PRDM16: variants seen among roughly 807,000 people sequenced by gnomAD.
The protein encoded by PRDM16 is PR/SET domain 16.
Under a neutral mutation model 110.6 loss-of-function variants are expected in PRDM16, and 23 were observed. That is an observed-to-expected ratio of 0.21 (90% CI 0.15 to 0.29). PRDM16 has a LOEUF of 0.29. Ranked by LOEUF, PRDM16 falls within the 10% of genes least tolerant of loss-of-function variation. PRDM16 has a pLI of 1.00. For missense variants in PRDM16, 1,615 were observed against 1,794.3 expected, an observed-to-expected ratio of 0.90 and a Z score of 1.81; for synonymous variants, 799 against 781.8, an observed-to-expected ratio of 1.02 and a Z score of -0.37.
intron 16 of PRDM16, among the ~76,000 whole-genome samples, chr1:3,432,913 G>A (rs757664254): frequency 1.3e-5 from 2 of 152,152 alleles, no homozygotes; most frequent in African/African-American, 4.8e-5. Flanking sequence ...ATGAACTAAC[G>A]CCTGGAAACA....
At chr1:3,424,245 G>A (rs1638525257) in intron 12 of PRDM16, among the ~76,000 whole-genome samples, 3 of 152,172 alleles carry the variant, frequency 2.0e-5, no homozygotes, top group Admixed American at 6.5e-5. Flanking sequence ...GCTGCTCAAT[G>A]CACATGTCGC....
intron 1 of PRDM16, among the ~76,000 whole-genome samples, chr1:3,158,575 T>C (rs1380053101): frequency 6.6e-6 from 1 of 152,128 alleles, no homozygotes; most frequent in African/African-American, 2.4e-5. Flanking sequence ...GACTTTACAA[T>C]CTCATCGCCA....
intron 3 of PRDM16, among the ~76,000 whole-genome samples, chr1:3,254,944 G>A (rs1452467648): frequency 6.6e-6 from 1 of 152,136 alleles, no homozygotes; most frequent in Non-Finnish European, 1.5e-5. Context: ...GCATGGTACT[G>A]GAACCAAAAC....
chr1:3,223,102 G>GC (rs1639211399), intron 2 of PRDM16, among the ~76,000 whole-genome samples: 1 of 120,060 alleles, frequency 8.3e-6, no homozygotes, highest in African/African-American at 4.5e-5. Flanking sequence ...CAAAATCAAG[G>GC]CTTTTTTTTT....
At chr1:3,388,442 G>T (rs1007182749) in intron 4 of PRDM16, among the ~76,000 whole-genome samples, 7 of 152,218 alleles carry the variant, frequency 4.6e-5, no homozygotes, top group Admixed American at 6.5e-5. Context: ...ATTCGGCAGG[G>T]AAAATACTTC....
intron 1 of PRDM16, among the ~76,000 whole-genome samples, chr1:3,106,252 T>C (rs1376748941): frequency 6.6e-6 from 1 of 152,128 alleles, no homozygotes; most frequent in Admixed American, 6.5e-5. Flanking sequence ...TGGCAGGCAG[T>C]TCTTTGGATG....
intron 1 of PRDM16, among the ~76,000 whole-genome samples, chr1:3,110,041 G>C (rs1389607320): frequency 6.6e-6 from 1 of 150,840 alleles, no homozygotes; most frequent in African/African-American, 2.4e-5. Flanking sequence ...CATGTCCTGG[G>C]TATGGGGACA....
intron 2 of PRDM16, among the ~76,000 whole-genome samples, chr1:3,239,107 C>G (rs1019141457): frequency 3.2e-4 from 48 of 152,224 alleles, no homozygotes; most frequent in Admixed American, 8.5e-4. Flanking sequence ...GGGAAATTGG[C>G]AGCACCCACG....
At chr1:3,076,543 T>G (rs1342388552) in intron 1 of PRDM16, among the ~76,000 whole-genome samples, 1 of 152,184 alleles carries the variant, frequency 6.6e-6, no homozygotes, top group Non-Finnish European at 1.5e-5. Context: ...CTGTCTGCTC[T>G]CAGCGTCCCC....
intron 16 of PRDM16, among the ~76,000 whole-genome samples, chr1:3,433,271 G>A (rs907719041): frequency 3.3e-5 from 5 of 152,250 alleles, no homozygotes; most frequent in Admixed American, 1.3e-4. Context: ...CCGCCGTCAC[G>A]CCTGCTCATG....
chr1:3,248,717 C>T (rs1313313907), intron 3 of PRDM16, among the ~76,000 whole-genome samples: 1 of 152,210 alleles, frequency 6.6e-6, no homozygotes, highest in African/African-American at 2.4e-5. Flanking sequence ...CGTCTGATAG[C>T]CCAGCCTTGC....
At chr1:3,146,515 G>A (rs747336638) in intron 1 of PRDM16, among the ~76,000 whole-genome samples, 1 of 150,442 alleles carries the variant, frequency 6.6e-6, no homozygotes, top group African/African-American at 2.4e-5. Flanking sequence ...AAGTGTGTGT[G>A]CTCGGTGTGG....
chr1:3,240,898 C>T (rs770464068), intron 2 of PRDM16, among the ~76,000 whole-genome samples: 1 of 152,262 alleles, frequency 6.6e-6, no homozygotes, highest in African/African-American at 2.4e-5. Flanking sequence ...GGTCAGACCT[C>T]GCTTTTTTTG....
At chr1:3,284,880 C>T (rs1259437143) in intron 3 of PRDM16, among the ~76,000 whole-genome samples, 3 of 152,218 alleles carry the variant, frequency 2.0e-5, no homozygotes, top group Admixed American at 6.5e-5. Flanking sequence ...AGTCTGCAGC[C>T]GCCAGGGCAG....
chr1:3,281,941 C>T (rs533980339), intron 3 of PRDM16, among the ~76,000 whole-genome samples: 2 of 152,178 alleles, frequency 1.3e-5, no homozygotes, highest in African/African-American at 4.8e-5. Context: ...GGTGGGCGCC[C>T]GCAGCCCTGG....
Position 3,367,130 on chromosome 1 carries a change from G to A in PRDM16, c.439-18022G>A, listed in dbSNP as rs58842937. On this transcript the variant is annotated intron_variant, in intron 3 of 16. Coordinates refer to ENST00000270722, the MANE Select transcript of PRDM16 (RefSeq NM_022114.4). ...GAAAAATACAAAAAATTACCCGGGC[G>A]TGGTGTTGGACCACTGTAATTTCGG... Among the ~76,000 whole-genome samples the A allele has an allele frequency of 4.1e-3, 626 of 152,310 alleles. 8 individuals carry two copies. The highest frequency in any genetic ancestry group is 0.014 in the African/African-American group (581 of 41,576).
chr1:3,417,295 C>G (rs1188006052), intron 10 of PRDM16, among the ~76,000 whole-genome samples: 3 of 152,232 alleles, frequency 2.0e-5, no homozygotes, highest in African/African-American at 7.2e-5. Flanking sequence ...GGCATGCTGC[C>G]ACTTGGTGGC....
In PRDM16 at chr1:3,209,283, C is replaced by T. The variant is rs760143051; in HGVS notation, c.387+22809C>T. Among the ~76,000 whole-genome samples, 17 of 152,370 alleles carry T rather than the reference C, an allele frequency of 1.1e-4. No individual in the cohort carries two copies. Among genetic ancestry groups the T allele is most frequent in the South Asian group, 2.1e-4 (1 of 4,826 alleles). On this transcript the variant is annotated intron_variant, in intron 2 of 16. Coordinates refer to ENST00000270722, the MANE Select transcript of PRDM16 (RefSeq NM_022114.4). This position sits in a 1 kb window ranked among gnomAD's most constrained non-coding sequence, Gnocchi z 4.6. ...ATCTCAGAGTGGGATTTACTAAGCA[C>T]GGTCACGCTGAACAGTAACTGTGGG...
At chr1:3,247,536 G>A (rs944074024) in intron 3 of PRDM16, among the ~76,000 whole-genome samples, 1 of 152,222 alleles carries the variant, frequency 6.6e-6, no homozygotes, top group Non-Finnish European at 1.5e-5. Context: ...GGAGGGCGGA[G>A]CCACCGCCAG....
Sources: allele counts gnomAD v4.1 joint callset (sites outside exome capture counted in the v4.1 genomes callset), GRCh38; gene constraint gnomAD v4.1.1; non-coding constraint Gnocchi (gnomAD v3.1); transcripts MANE v1.5; gene names NCBI Gene and HGNC (gene_info 2026-07-23, HGNC 2026-07-21).